The following CNGB1 variants were observed in gnomAD, a reference collection of about 807,000 sequenced individuals.
CNGB1 encodes cyclic nucleotide-gated channel beta-1.
CNGB1 carries 126 observed loss-of-function variants against 151.7 expected under a neutral mutation model. The observed-to-expected ratio is 0.83, with a 90% CI of 0.72 to 0.96. CNGB1 has a LOEUF of 0.96. Among genes scored for constraint, CNGB1 ranks in the 40% least tolerant of loss-of-function variants. The probability of loss-of-function intolerance (pLI) is 0.00; values close to 1 mark genes in which losing one functional copy is unlikely to be tolerated. For synonymous variants in CNGB1, 623 were observed against 635.1 expected (o/e 0.98, Z 0.29); for missense variants, 1,698 against 1,627.0 (o/e 1.04, Z -0.75).
intron 32 of CNGB1, among the ~76,000 whole-genome samples, chr16:57,885,047 G>T (rs1163667217): frequency 6.6e-6 from 1 of 152,178 alleles, no homozygotes. Flanking sequence ...GATACCTCCA[G>T]CCTCCAGCCT....
chr16:57,883,768 A>C lies in CNGB1; in HGVS notation c.*396T>G. 3.5e-6 allele frequency: 1 copy of C among 282,328 alleles called. No homozygotes were observed. The allele number at this position is 282,328 out of a possible 1,614,324, so 17.5% of individuals were successfully genotyped here. A position where few individuals can be genotyped will look rare whatever the true frequency, so the allele number is the denominator to read the frequency against. On this transcript the variant is annotated 3_prime_UTR_variant, in exon 33 of 33. Transcript: ENST00000251102. ...TGTGTTAGACAAATTCCTGAGGGGA[A>C]ACCCCACACATTCAATAACACTTTA...
Position 57,884,131 on chromosome 16 carries a change from T to C in CNGB1, c.*33A>G, listed in dbSNP as rs13338071. ...CAGCGGGCGCTGGGGACACACCTGC[T>C]GGAACTGCGCGCGGGATCCGCCTCA... On this transcript the variant is annotated 3_prime_UTR_variant, in exon 33 of 33. Transcript: ENST00000251102. The C allele has an allele frequency of 0.075, 121,563 of 1,613,838 alleles. 5,687 individuals carry two copies. Among genetic ancestry groups the C allele is most frequent in the African/African-American group, 0.21 (15,744 of 75,028 alleles).
chr16:57,958,797 C>T (rs1455560586), intron 10 of CNGB1, among the ~76,000 whole-genome samples: 1 of 151,858 alleles, frequency 6.6e-6, no homozygotes, highest in Non-Finnish European at 1.5e-5. Flanking sequence ...TCCTTCCCTC[C>T]TTCCCTTCTT....
intron 2 of CNGB1, 71 bp downstream of exon 2, chr16:57,967,057 G>T: frequency 8.1e-6 from 13 of 1,606,848 alleles, no homozygotes; most frequent in Non-Finnish European, 1.1e-5. Context: ...TCCCTGGAGA[G>T]CAGATGGCCC....
intron 16 of CNGB1, 72 bp downstream of exon 16, chr16:57,939,358 C>T (rs1295955834): frequency 6.9e-6 from 11 of 1,602,362 alleles, no homozygotes; most frequent in Middle Eastern, 1.7e-4. Context: ...TGCCCCTGCA[C>T]GAAGGCTGCC....
chr16:57,939,688 G>T, intron 15 of CNGB1, 96 bp from the exon 16 acceptor site: 1 of 1,531,568 alleles, frequency 6.5e-7, no homozygotes, highest in South Asian at 1.1e-5. Context: ...AGTCCACATG[G>T]GCCCAGTTCT....
At chr16:57,965,623 T>C (rs1342183652) in intron 2 of CNGB1, among the ~76,000 whole-genome samples, 1 of 151,984 alleles carries the variant, frequency 6.6e-6, no homozygotes, top group Non-Finnish European at 1.5e-5. Flanking sequence ...AATGTGTATA[T>C]ATACACATGT....
intron 12 of CNGB1, chr16:57,955,315 G>A: frequency 1.3e-6 from 2 of 1,551,788 alleles, no homozygotes; most frequent in Non-Finnish European, 1.7e-6. Context: ...GTCCATCTGA[G>A]CTCTCCCAGA....
chr16:57,904,713 G>A, intron 26 of CNGB1, 21 bp downstream of exon 26: 2 of 1,613,872 alleles, frequency 1.2e-6, no homozygotes, highest in Admixed American at 1.7e-5. Flanking sequence ...GGGGTGGGAA[G>A]CTGGGCTGGT....
At chr16:57,922,738 G>C (rs1184873211) in intron 18 of CNGB1, among the ~76,000 whole-genome samples, 2 of 152,146 alleles carry the variant, frequency 1.3e-5, no homozygotes, top group Non-Finnish European at 2.9e-5. Context: ...CGTCATCATA[G>C]TGGTTTCTAA....
rs757302140 is a variant in CNGB1, at chr16:57,931,704, A to G, written c.1535+12T>C. On this transcript the variant is annotated intron_variant, in intron 17 of 32. Coordinates refer to ENST00000251102, the MANE Select transcript of CNGB1 (RefSeq NM_001297.5). The stretch of plus-strand genomic sequence containing the variant: ...GTGCCGAGAAAAGCCCAAGAGAAGC[A>G]TAAAAGGTAACCTGTGTGTCCCCGA... 14 of 1,613,862 alleles carry G rather than the reference A, an allele frequency of 8.7e-6. No individual in the cohort carries two copies. In the African/African-American group the frequency reaches 1.7e-4, roughly 20 times the overall value.
intron 24 of CNGB1, 94 bp from the exon 25 acceptor site, chr16:57,911,969 G>A: frequency 6.4e-7 from 1 of 1,551,754 alleles, no homozygotes; most frequent in Non-Finnish European, 8.8e-7. Flanking sequence ...GGCTGGGCTG[G>A]CCCGACTGGA....
In CNGB1 at chr16:57,960,466, G is replaced by A; in HGVS notation, c.583+16C>T. 3.1e-6 allele frequency: 5 copies of A among 1,612,612 alleles called. No homozygotes were observed. Among genetic ancestry groups the A allele is most frequent in the Non-Finnish European group, 4.2e-6 (5 of 1,179,318 alleles). ...ACCATCCCAGGCAGCCCCCTCCCGA[G>A]CTCCCCTCCCTGTACCTGGGTCTGA... is the stretch of plus-strand genomic sequence containing the variant. On this transcript the variant is annotated intron_variant, in intron 9 of 32. Coordinates refer to ENST00000251102, the MANE Select transcript of CNGB1 (RefSeq NM_001297.5).
chr16:57,895,469 A>G (rs1392680410), intron 31 of CNGB1, among the ~76,000 whole-genome samples: 1 of 151,476 alleles, frequency 6.6e-6, no homozygotes, highest in Non-Finnish European at 1.5e-5. Context: ...AGTAGAATAG[A>G]CAGAAAAATT....
At chr16:57,890,260 A>T (rs185211430) in intron 31 of CNGB1, among the ~76,000 whole-genome samples, 1 of 152,314 alleles carries the variant, frequency 6.6e-6, no homozygotes, top group Non-Finnish European at 1.5e-5. Context: ...TAAATTGTGC[A>T]TGTTGATATT....
At chr16:57,939,025 T>C (rs1409353479) in intron 16 of CNGB1, among the ~76,000 whole-genome samples, 1 of 152,128 alleles carries the variant, frequency 6.6e-6, no homozygotes, top group Non-Finnish European at 1.5e-5. Context: ...AAACCCTCAC[T>C]GGGCGGTAGC....
intron 12 of CNGB1, chr16:57,955,196 A>C (rs1962054101): frequency 6.6e-7 from 1 of 1,524,218 alleles, no homozygotes; most frequent in South Asian, 1.2e-5. Flanking sequence ...CCTGCCTGGG[A>C]GTGTGTGGAG....
chr16:57,912,807 T>A, intron 24 of CNGB1, 123 bp downstream of exon 24: 5 of 955,676 alleles, frequency 5.2e-6, no homozygotes, highest in Non-Finnish European at 8.3e-6. Flanking sequence ...ATGTTGTGTG[T>A]GTGTTGTGTG....
chr16:57,917,468 A>G lies in CNGB1; in HGVS notation c.1966T>C (p.Tyr656His), dbSNP rs765208641. ...QSIDPLTNLM[Y>H]VLWLFFVVMA... Reference sequence around the variant, plus strand: ...ACCACGAAGAACAGCCATAGGACATACATCAGGTCTGTGGGGAAGGTTGAC... The same window carrying G: ...ACCACGAAGAACAGCCATAGGACATGCATCAGGTCTGTGGGGAAGGTTGAC... Residue 656 changes from tyrosine (Y) to histidine (H), a missense_variant, in exon 21 of 33, where the codon TAT (tyrosine) becomes CAT (histidine). Coordinates refer to ENST00000251102, the MANE Select transcript of CNGB1 (RefSeq NM_001297.5). 1.2e-6 allele frequency: 2 copies of G among 1,613,972 alleles called. No individual in the cohort carries two copies. Among genetic ancestry groups the G allele is most frequent in the African/African-American group, 2.7e-5 (2 of 74,908 alleles).
Sources: gnomAD v4.1 joint callset for allele counts (sites outside exome capture counted in the v4.1 genomes callset) on GRCh38, gnomAD v4.1.1 for gene constraint, MANE v1.5 for transcripts, NCBI Gene and HGNC (gene_info 2026-07-23, HGNC 2026-07-21) for gene names.